AMN: variants seen among roughly 807,000 people sequenced by gnomAD.
AMN encodes the protein amnion associated transmembrane protein, also known as protein amnionless.
A neutral mutation model predicts 49.1 loss-of-function variants in AMN; 40 were observed. The observed-to-expected ratio is 0.81, with a 90% CI of 0.63 to 1.06. The LOEUF is 1.06. AMN is among the 50% of genes least tolerant of loss of function. The probability of loss-of-function intolerance (pLI) is 0.00; values close to 1 mark genes in which losing one functional copy is unlikely to be tolerated. For synonymous variants in AMN, 380 were observed against 313.3 expected (o/e 1.21, Z -2.25); for missense variants, 701 against 662.8 (o/e 1.06, Z -0.63).
At chr14:102,924,349 C>G (rs1012398793) in intron 3 of AMN, among the ~76,000 whole-genome samples, 1 of 32,132 alleles carries the variant, frequency 3.1e-5, no homozygotes, top group Admixed American at 3.2e-4. Context: ...TCCCCAACAC[C>G]CCCCCCTCTA....
chr14:102,928,804 C>A lies in AMN; in HGVS notation c.342C>A (p.Asp114Glu), dbSNP rs752135124. 1.2e-6 allele frequency: 2 copies of A among 1,608,232 alleles called. No homozygotes were observed. Among genetic ancestry groups the A allele is most frequent in the Non-Finnish European group, 1.7e-6 (2 of 1,179,872 alleles). The stretch of plus-strand genomic sequence containing the variant: ...ACTCTGACCGCTTCTCCTGGCATGA[C>A]CCGCACCTGTGGCGCTCTGGGGACG... ...FRDSDRFSWH[D>E]PHLWRSGDEA... The change falls in exon 5 of 12, where the codon GAC becomes GAA. Residue 114 changes from aspartate to glutamate, a missense_variant. Transcript: ENST00000299155.
Position 102,929,639 on chromosome 14 carries a change from TG to T in AMN, c.761-15del. 11 of 1,548,676 alleles carry T rather than the reference TG, an allele frequency of 7.1e-6. No homozygotes were observed. Among genetic ancestry groups the T allele is most frequent in the Non-Finnish European group, 9.6e-6 (11 of 1,146,758 alleles). On this transcript the variant is annotated splice_polypyrimidine_tract_variant and intron_variant, in intron 7 of 11. Coordinates refer to ENST00000299155, the MANE Select transcript of AMN (RefSeq NM_030943.4). ...GGCCCGGATCCACGGCGCTGACCCC[TG>T]CCCTCCCGCCGCAGGAGCCGTTGTG... is the stretch of plus-strand genomic sequence containing the variant.
Position 102,929,917 on chromosome 14 carries a change from TC to T in AMN, c.844-3del. 6.4e-7 allele frequency: 1 copy of T among 1,554,158 alleles called. No individual in the cohort carries two copies. Among genetic ancestry groups the T allele is most frequent in the Non-Finnish European group, 8.7e-7 (1 of 1,149,646 alleles). ...CTGAGTCAAACCAACCCCGTCCCCC[TC>T]CCCAGCCTCAGTACCACGGGCTGCA... On this transcript the variant is annotated splice_region_variant and splice_polypyrimidine_tract_variant and intron_variant, in intron 8 of 11. Coordinates refer to ENST00000299155, the MANE Select transcript of AMN (RefSeq NM_030943.4).
intron 8 of AMN, 35 bp downstream of exon 8, chr14:102,929,772 C>G: frequency 6.5e-7 from 1 of 1,547,352 alleles, no homozygotes; most frequent in East Asian, 2.4e-5. Flanking sequence ...AGGGGAGTCC[C>G]GACCCCAGCC....
At chr14:102,923,495 G>A (rs1300057743) in intron 1 of AMN, 1 of 577,066 alleles carries the variant, frequency 1.7e-6, no homozygotes, top group Non-Finnish European at 3.1e-6. Context: ...AGCGGGCTCT[G>A]CAGGTATCAG....
At position 102,930,684 on chromosome 14, in the gene AMN, G is replaced by GC. The variant is rs750818482; in HGVS notation, c.*6dup. 5 of 1,576,736 alleles carry GC rather than the reference G, an allele frequency of 3.2e-6. No homozygotes were observed. The highest frequency in any genetic ancestry group is 4.3e-6 in the Non-Finnish European group (5 of 1,162,830). On this transcript the variant is annotated 3_prime_UTR_variant, in exon 12 of 12. Transcript: ENST00000299155. ...CGGGGCCGAGGCCGAGGCCTGAGCG[G>GC]CCGCCTGACCGTCGACCTTGGGGCT... is the stretch of plus-strand genomic sequence containing the variant.
chr14:102,929,161 CCCGCGCGGG>C lies in AMN; in HGVS notation c.559_567del (p.Ala187_Arg189del). 6.3e-7 allele frequency: 1 copy of C among 1,596,186 alleles called. No homozygotes were observed. On this transcript the variant is annotated inframe_deletion, in exon 6 of 12. Transcript: ENST00000299155. ...GAGGACCTGGCTGTTTTCCTGGCGT[CCCGCGCGGG>C]CCGCCTACGCTTCCACGGGCCGGGC...
intron 6 of AMN, 48 bp downstream of exon 6, chr14:102,929,306 C>T: frequency 6.9e-7 from 1 of 1,449,660 alleles, no homozygotes; most frequent in Admixed American, 2.7e-5. Context: ...AGGGTCGGGA[C>T]TGTGCCCGGG....
chr14:102,929,473 C>T lies in AMN; in HGVS notation c.697C>T (p.Arg233Cys). ...CAALLQPLGG[R>C]CPQAACHSAL... ...GGCCCTGCTCCAGCCCCTGGGCGGCCGCTGCCCCCAGGCCGCCTGCCACAG... is the reference window on the plus strand; with the variant it reads ...GGCCCTGCTCCAGCCCCTGGGCGGCTGCTGCCCCCAGGCCGCCTGCCACAG... The change falls in exon 7 of 12, where the codon CGC becomes TGC. Residue 233 changes from arginine to cysteine, a missense_variant. Coordinates refer to ENST00000299155, the MANE Select transcript of AMN (RefSeq NM_030943.4). The T allele has an allele frequency of 2.0e-6, 3 of 1,531,638 alleles. No individual in the cohort carries two copies. Among genetic ancestry groups the T allele is most frequent in the Middle Eastern group, 2.3e-4 (1 of 4,370 alleles). 94.9% of individuals were successfully genotyped at this position (1,531,638 alleles called of 1,614,324 possible).
At chr14:102,923,063 G>T (rs1162876699) in intron 1 of AMN, 1 of 334,468 alleles carries the variant, frequency 3.0e-6, no homozygotes, top group Non-Finnish European at 5.6e-6. Context: ...CAGCGAGTGT[G>T]CGCCTGCGGG....
chr14:102,923,629 C>T, intron 1 of AMN, 82 bp from the exon 2 acceptor site: 1 of 1,277,382 alleles, frequency 7.8e-7, no homozygotes, highest in South Asian at 1.2e-5. Flanking sequence ...GCGGACCTTC[C>T]GCACTTCTCT....
Position 102,928,518 on chromosome 14 carries a change from GGC to G in AMN, c.295+7_295+8del. On this transcript the variant is annotated splice_donor_region_variant and intron_variant, in intron 4 of 11. Coordinates refer to ENST00000299155, the MANE Select transcript of AMN (RefSeq NM_030943.4). ...CGCACCTGGACTGTGGCGCGGGTGA[GGC>G]GGTCGGGCAGGGGCGGGGCTCTGGA... The G allele has an allele frequency of 6.2e-7, 1 of 1,604,324 alleles. No individual in the cohort carries two copies. The highest frequency in any genetic ancestry group is 8.5e-7 in the Non-Finnish European group (1 of 1,177,898).
In AMN at chr14:102,929,432, A is replaced by T; in HGVS notation, c.656A>T (p.Gln219Leu). Residue 219 changes from glutamine (Q) to leucine (L), a missense_variant, in exon 7 of 12, where the codon CAG (glutamine) becomes CTG (leucine). Gln to Leu is a moderately radical substitution (Grantham distance 113). Transcript: ENST00000299155. ...GACCACCGCCCCTCGCACCAGGCGC[A>T]GCCGTGGATCTGCGCGGCCCTGCTC... ...SGCVCGNAEAQPWICAALLQP... is the reference protein window; with the variant it reads ...SGCVCGNAEALPWICAALLQP... The T allele has an allele frequency of 6.5e-7, 1 of 1,530,520 alleles. No homozygotes were observed. Among genetic ancestry groups the T allele is most frequent in the Non-Finnish European group, 8.7e-7 (1 of 1,145,162 alleles). 94.8% of individuals were successfully genotyped at this position (1,530,520 alleles called of 1,614,324 possible). A position where few individuals can be genotyped will look rare whatever the true frequency, so the allele number is the denominator to read the frequency against.
Position 102,923,783 on chromosome 14 carries a change from A to T in AMN, c.116A>T (p.Asn39Ile), listed in dbSNP as rs1348208827. Reference sequence around the variant, plus strand: ...GACGTCGCAGCCAACTGGAGCCAGAACCGGACCCCGTGCGCCGGCGGCGCC... The same window carrying T: ...GACGTCGCAGCCAACTGGAGCCAGATCCGGACCCCGTGCGCCGGCGGCGCC... ...DFDVAANWSQ[N>I]RTPCAGGAVE... Residue 39 changes from asparagine to isoleucine, a missense_variant, in exon 2 of 12, where the codon AAC (asparagine) becomes ATC (isoleucine). Transcript: ENST00000299155. 6.2e-7 allele frequency: 1 copy of T among 1,612,622 alleles called. No individual in the cohort carries two copies. Among genetic ancestry groups the T allele is most frequent in the Non-Finnish European group, 8.5e-7 (1 of 1,179,848 alleles).
chr14:102,929,297 G>A, intron 6 of AMN, 39 bp downstream of exon 6: 1 of 1,427,014 alleles, frequency 7.0e-7, no homozygotes, highest in South Asian at 1.5e-5. Context: ...GGCCGCGCGA[G>A]GGTCGGGACT....
At chr14:102,923,248 A>C in intron 1 of AMN, 1 of 269,748 alleles carries the variant, frequency 3.7e-6, no homozygotes, top group Non-Finnish European at 7.2e-6. Flanking sequence ...TGCCGCCCCC[A>C]GCCCCTTCTT....
chr14:102,928,858 C>T lies in AMN; in HGVS notation c.396C>T (p.Ala132=). The T allele has an allele frequency of 3.1e-6, 5 of 1,604,688 alleles. No individual in the cohort carries two copies. In the South Asian group the frequency reaches 3.3e-5, roughly 11 times the overall value. The change falls in exon 5 of 12, where the codon GCC becomes GCT. Residue 132 remains alanine, a synonymous_variant. Transcript: ENST00000299155. ...CACCTGGCCTCTTCTTCGTGGACGCCGAGCGCGTGCCCTGCCGCCACGACG... is the reference window on the plus strand; with the variant it reads ...CACCTGGCCTCTTCTTCGTGGACGCTGAGCGCGTGCCCTGCCGCCACGACG... ...DEAPGLFFVD[A]ERVPCRHDDV... is the part of the protein sequence containing the mutation.
In AMN at chr14:102,923,707, C is replaced by T. The variant is rs1358842684; in HGVS notation, c.44-4C>T. ...TCCCGGGCACTCAGTCGCCTCCTCC[C>T]CAGCACTGACCCAGGCGGTCTCCAA... On this transcript the variant is annotated splice_polypyrimidine_tract_variant and splice_region_variant and intron_variant, in intron 1 of 11. Transcript: ENST00000299155. 8.1e-6 allele frequency: 13 copies of T among 1,611,774 alleles called. No homozygotes were observed. The East Asian group carries it at 2.9e-4, about 36-fold the overall frequency.
At chr14:102,927,236 A>G (rs1042817941) in intron 3 of AMN, among the ~76,000 whole-genome samples, 2 of 152,150 alleles carry the variant, frequency 1.3e-5, no homozygotes, top group Non-Finnish European at 1.5e-5. Flanking sequence ...ATATTTAAAA[A>G]TTATATCCTC....
Sources: allele counts gnomAD v4.1 joint callset (sites outside exome capture counted in the v4.1 genomes callset), GRCh38; gene constraint gnomAD v4.1.1; transcripts MANE v1.5; gene names NCBI Gene and HGNC (gene_info 2026-07-23, HGNC 2026-07-21).